Variants in RBFOX1 observed in about 807,000 individuals in gnomAD.
RBFOX1 encodes the protein RNA binding protein fox-1 homolog 1.
Under a neutral mutation model 57.7 loss-of-function variants are expected in RBFOX1, and 8 were observed. That is an observed-to-expected ratio of 0.14 (90% confidence interval 0.08 to 0.25). The LOEUF is 0.25. RBFOX1 is among the 10% of genes least tolerant of loss of function. The probability of loss-of-function intolerance (pLI) is 1.00; values close to 1 mark genes in which losing one functional copy is unlikely to be tolerated. For missense variants in RBFOX1, 611 were observed against 548.5 expected (o/e 1.11, Z -1.14); for synonymous variants, 326 against 222.4 (o/e 1.47, Z -4.15).
At chr16:6,295,098 A>AG (rs2077931224) in intron 1 of RBFOX1, among the ~76,000 whole-genome samples, 1 of 95,804 alleles carries the variant, frequency 1.0e-5, no homozygotes, top group African/African-American at 4.3e-5. Context: ...TTAAGCAGTG[A>AG]GTTTTTTTTT....
At chr16:5,940,531 G>C (rs2059258173) in intron 4 of RBFOX1, among the ~76,000 whole-genome samples, 1 of 152,152 alleles carries the variant, frequency 6.6e-6, no homozygotes, top group Admixed American at 6.6e-5. Context: ...CTCACAGGGA[G>C]GTTTGTAGAA....
intron 3 of RBFOX1, among the ~76,000 whole-genome samples, chr16:5,707,496 G>C (rs2051295798): frequency 6.6e-6 from 1 of 152,158 alleles, no homozygotes; most frequent in Non-Finnish European, 1.5e-5. Flanking sequence ...GTCCTAATTG[G>C]ATAGCTAACA....
chr16:7,402,807 A>T (rs1366436505), intron 4 of RBFOX1, among the ~76,000 whole-genome samples: 2 of 152,154 alleles, frequency 1.3e-5, no homozygotes, highest in South Asian at 2.1e-4. Flanking sequence ...GGGATAGCTT[A>T]ACTCTAGAAA....
intron 4 of RBFOX1, among the ~76,000 whole-genome samples, chr16:7,261,136 A>T (rs574788300): frequency 6.6e-6 from 1 of 150,546 alleles, no homozygotes; most frequent in African/African-American, 2.5e-5. Context: ...ACACATATCC[A>T]AAGAGCCAAC....
intron 3 of RBFOX1, among the ~76,000 whole-genome samples, chr16:7,024,676 T>C (rs977322304): frequency 6.6e-6 from 1 of 152,172 alleles, no homozygotes; most frequent in Non-Finnish European, 1.5e-5. Context: ...GGCACTTAGA[T>C]ACGAATGGAG....
intron 2 of RBFOX1, among the ~76,000 whole-genome samples, chr16:6,539,631 C>T (rs1443992012): frequency 6.6e-6 from 1 of 152,076 alleles, no homozygotes; most frequent in African/African-American, 2.4e-5. Flanking sequence ...AACCCCATCT[C>T]TACTAAAAAT....
intron 3 of RBFOX1, among the ~76,000 whole-genome samples, chr16:6,895,486 A>ATATATG (rs1231560510): frequency 3.4e-3 from 314 of 91,676 alleles, no homozygotes; most frequent in African/African-American, 7.8e-3. Context: ...ATATATATAT[A>ATATATG]TTTATTCCCC....
At chr16:6,463,383 C>A (rs1232729485) in intron 2 of RBFOX1, among the ~76,000 whole-genome samples, 1 of 152,110 alleles carries the variant, frequency 6.6e-6, no homozygotes, top group African/African-American at 2.4e-5. Flanking sequence ...AAGAGTTTTG[C>A]CTACTAATAT....
chr16:6,664,429 G>A (rs144232856), intron 3 of RBFOX1, among the ~76,000 whole-genome samples: 2,026 of 152,266 alleles, frequency 0.013, 27 homozygotes, highest in Admixed American at 0.03. Flanking sequence ...GTCATCTAGC[G>A]TCAGCAAATC....
chr16:5,758,467 G>A (rs567364533), intron 3 of RBFOX1, among the ~76,000 whole-genome samples: 39 of 152,258 alleles, frequency 2.6e-4, no homozygotes, highest in South Asian at 6.2e-4. Flanking sequence ...ACCCCAAAGC[G>A]CAGCACAGTG....
chr16:6,859,145 A>ACG (rs1567592584), intron 3 of RBFOX1, among the ~76,000 whole-genome samples: 19 of 88,128 alleles, frequency 2.2e-4, no homozygotes, highest in African/African-American at 1.0e-3. Context: ...ATATACGTAT[A>ACG]TATATATGTA....
At chr16:7,114,589 C>T (rs1324239458) in intron 4 of RBFOX1, among the ~76,000 whole-genome samples, 3 of 152,168 alleles carry the variant, frequency 2.0e-5, no homozygotes, top group South Asian at 4.1e-4. Flanking sequence ...CTCCTCTAGC[C>T]CAAGATCTTT....
chr16:7,624,565 G>A (rs1028345956), intron 10 of RBFOX1, among the ~76,000 whole-genome samples: 6 of 152,284 alleles, frequency 3.9e-5, no homozygotes, highest in African/African-American at 1.2e-4. Flanking sequence ...GCACATAGAC[G>A]AGTAGATGCC....
At chr16:5,368,656 C>T (rs1005708188) in intron 1 of RBFOX1, among the ~76,000 whole-genome samples, 4 of 152,142 alleles carry the variant, frequency 2.6e-5, no homozygotes, top group Admixed American at 2.0e-4. Flanking sequence ...GAATCAAAAG[C>T]TCAAAGGCCA....
intron 4 of RBFOX1, among the ~76,000 whole-genome samples, chr16:5,957,290 C>T (rs1014613863): frequency 6.6e-6 from 1 of 152,212 alleles, no homozygotes; most frequent in Non-Finnish European, 1.5e-5. Context: ...TCTCAGCTCA[C>T]TGCAACCTCC....
At chr16:6,190,020 G>A (rs1354153859) in intron 1 of RBFOX1, among the ~76,000 whole-genome samples, 1 of 152,180 alleles carries the variant, frequency 6.6e-6, no homozygotes, top group East Asian at 1.9e-4. Flanking sequence ...TTCAGTGAAA[G>A]AGATAAACAT....
At chr16:5,500,139 TC>T (rs1392187992) in intron 2 of RBFOX1, among the ~76,000 whole-genome samples, 2 of 135,764 alleles carry the variant, frequency 1.5e-5, no homozygotes, top group African/African-American at 5.6e-5. Flanking sequence ...CTTCCCTCCT[TC>T]CCTCCTTCCC....
chr16:6,540,625 A>C (rs1264970902), intron 2 of RBFOX1, among the ~76,000 whole-genome samples: 3 of 151,730 alleles, frequency 2.0e-5, no homozygotes, highest in Admixed American at 6.6e-5. Flanking sequence ...AAAAAAAAAA[A>C]AAAAAAAAAA....
intron 1 of RBFOX1, chr16:6,056,941 A>G (rs1261418433): frequency 6.6e-6 from 1 of 151,720 alleles, no homozygotes; most frequent in Non-Finnish European, 1.5e-5. Flanking sequence ...GTGGCAATTG[A>G]TTAAACTCTC....
Sources: allele counts gnomAD v4.1 joint callset (sites outside exome capture counted in the v4.1 genomes callset), GRCh38; gene constraint gnomAD v4.1.1; transcripts MANE v1.5; gene names NCBI Gene and HGNC (gene_info 2026-07-23, HGNC 2026-07-21).